Variants in CNTN3 observed in about 807,000 individuals in gnomAD.
CNTN3 encodes contactin-3.
CNTN3 carries 60 observed loss-of-function variants against 119.1 expected under a neutral mutation model. That is an observed-to-expected ratio of 0.50 (90% CI 0.41 to 0.62). The LOEUF is 0.62. Ranked by LOEUF, CNTN3 falls within the 20% of genes least tolerant of loss-of-function variation. The pLI, the probability that CNTN3 is intolerant of heterozygous loss-of-function variation, is 0.00. For missense variants in CNTN3, 1,101 were observed against 1,242.4 expected, an observed-to-expected ratio of 0.89 and a Z score of 1.71; for synonymous variants, 450 against 438.7, an observed-to-expected ratio of 1.03 and a Z score of -0.32.
At position 74,449,497 on chromosome 3, in the gene CNTN3, T is replaced by C. The variant is rs139432937; in HGVS notation, c.359-24557A>G. On this transcript the variant is annotated intron_variant, in intron 4 of 22. Coordinates refer to ENST00000263665, the MANE Select transcript of CNTN3 (RefSeq NM_020872.3). ...GGGAAACATGTTTCAAGTGCAAATT[T>C]CCAGGCCCCAGTCCTAAAAATTCTG... Among the ~76,000 whole-genome samples, 1,048 of 152,180 alleles carry C rather than the reference T, an allele frequency of 6.9e-3. 17 individuals carry two copies. Among genetic ancestry groups the C allele is most frequent in the African/African-American group, 0.024 (1,003 of 41,544 alleles).
intron 1 of CNTN3, among the ~76,000 whole-genome samples, chr3:74,589,965 G>A (rs989151722): frequency 7.5e-6 from 1 of 132,812 alleles, no homozygotes; most frequent in African/African-American, 2.8e-5. Context: ...TGTGGGGTGG[G>A]GGGGAGGGGG....
chr3:74,558,679 G>C (rs1704106501), intron 1 of CNTN3, among the ~76,000 whole-genome samples: 1 of 151,852 alleles, frequency 6.6e-6, no homozygotes, highest in African/African-American at 2.4e-5. Context: ...CTGTAACATG[G>C]AATTAATAAT....
chr3:74,375,759 A>T (rs1197739776), intron 5 of CNTN3, among the ~76,000 whole-genome samples: 1 of 152,212 alleles, frequency 6.6e-6, no homozygotes. Context: ...TGCCTCCTTG[A>T]AACTCCATAA....
intron 11 of CNTN3, among the ~76,000 whole-genome samples, chr3:74,359,631 A>G (rs1050422245): frequency 3.3e-5 from 5 of 152,152 alleles, no homozygotes; most frequent in African/African-American, 1.2e-4. Flanking sequence ...TTTTACCAGC[A>G]CCATCGCTAT....
chr3:74,376,161 T>C (rs552321263), intron 5 of CNTN3, among the ~76,000 whole-genome samples: 6 of 152,318 alleles, frequency 3.9e-5, no homozygotes, highest in South Asian at 4.1e-4. Flanking sequence ...GACACCTTGA[T>C]GTGAGCCCAT....
chr3:74,445,312 G>T (rs1702031146), intron 4 of CNTN3, among the ~76,000 whole-genome samples: 1 of 151,856 alleles, frequency 6.6e-6, no homozygotes, highest in Admixed American at 6.6e-5. Context: ...GCCCAAACTG[G>T]AGTGCAGTGG....
chr3:74,575,548 C>G (rs531561749), intron 1 of CNTN3, among the ~76,000 whole-genome samples: 5 of 149,964 alleles, frequency 3.3e-5, no homozygotes, highest in African/African-American at 9.8e-5. Flanking sequence ...CCGCACCGAG[C>G]TGATTAGATA....
At chr3:74,311,233 C>A (rs370567147) in intron 13 of CNTN3, among the ~76,000 whole-genome samples, 2 of 152,250 alleles carry the variant, frequency 1.3e-5, no homozygotes, top group East Asian at 3.9e-4. Flanking sequence ...ATTACAATCA[C>A]AGACCTATGT....
chr3:74,302,956 G>C (rs1702489120), intron 13 of CNTN3, 149 bp from the exon 14 acceptor site: 1 of 526,782 alleles, frequency 1.9e-6, no homozygotes, highest in African/African-American at 1.9e-5. Flanking sequence ...TTGCTACAAT[G>C]GAATGTATGG....
intron 19 of CNTN3, among the ~76,000 whole-genome samples, chr3:74,293,089 T>C (rs981964422): frequency 6.6e-6 from 1 of 152,234 alleles, no homozygotes; most frequent in Non-Finnish European, 1.5e-5. Context: ...CAGTGTTTAT[T>C]ATGTTTAACT....
chr3:74,609,368 T>A (rs969338631), intron 1 of CNTN3, among the ~76,000 whole-genome samples: 3 of 152,126 alleles, frequency 2.0e-5, no homozygotes, highest in Admixed American at 6.6e-5. Flanking sequence ...TGCATTTAGG[T>A]GAGAAGTACT....
intron 4 of CNTN3, among the ~76,000 whole-genome samples, chr3:74,470,223 C>T (rs1050329786): frequency 2.0e-5 from 3 of 151,952 alleles, no homozygotes; most frequent in African/African-American, 7.3e-5. Flanking sequence ...GGCATGGTTT[C>T]TTTGGGGTAT....
At chr3:74,559,228 G>A (rs1225654766) in intron 1 of CNTN3, among the ~76,000 whole-genome samples, 2 of 152,084 alleles carry the variant, frequency 1.3e-5, no homozygotes, top group Non-Finnish European at 2.9e-5. Context: ...ACAGCAAAAT[G>A]AGGAAGGCAG....
At chr3:74,362,179 G>C in intron 10 of CNTN3, 139 bp from the exon 11 acceptor site, 1 of 779,170 alleles carries the variant, frequency 1.3e-6, no homozygotes, top group Non-Finnish European at 2.0e-6. Flanking sequence ...CTTATTGTGT[G>C]CCACACACAG....
chr3:74,586,508 T>C (rs866407816), intron 1 of CNTN3, among the ~76,000 whole-genome samples: 1 of 152,150 alleles, frequency 6.6e-6, no homozygotes, highest in Non-Finnish European at 1.5e-5. Flanking sequence ...GATTGCTTTA[T>C]AATTTATAGA....
At position 74,488,752 on chromosome 3, in the gene CNTN3, C is replaced by G. The variant is rs115141391; in HGVS notation, c.183-2121G>C. ...AAGCAACATTTTTAATAAGAAGACC[C>G]AAATGAAATTAAGAGAATAAACTGG... is the stretch of plus-strand genomic sequence containing the variant. On this transcript the variant is annotated intron_variant, in intron 3 of 22. Transcript: ENST00000263665. 4.8e-3 allele frequency among the ~76,000 whole-genome samples: 732 copies of G among 152,230 alleles called. 11 individuals carry two copies. The highest frequency in any genetic ancestry group is 0.017 in the African/African-American group (704 of 41,552).
chr3:74,362,119 G>C (rs1365811281), intron 10 of CNTN3, 79 bp from the exon 11 acceptor site: 5 of 1,496,680 alleles, frequency 3.3e-6, no homozygotes, highest in Non-Finnish European at 4.5e-6. Context: ...CACTTTTACA[G>C]TTTTAAAAGT....
intron 20 of CNTN3, among the ~76,000 whole-genome samples, chr3:74,280,804 G>A (rs1701990244): frequency 4.6e-5 from 7 of 152,196 alleles, no homozygotes. Context: ...CGATGTCCTG[G>A]GGACACAGTG....
chr3:74,439,473 C>T (rs760900665), intron 4 of CNTN3, among the ~76,000 whole-genome samples: 10 of 152,190 alleles, frequency 6.6e-5, no homozygotes, highest in Non-Finnish European at 1.2e-4. Context: ...AGCCACTGCA[C>T]TCCAAAAAAT....
Sources: gnomAD v4.1 joint callset for allele counts (sites outside exome capture counted in the v4.1 genomes callset) on GRCh38, gnomAD v4.1.1 for gene constraint, MANE v1.5 for transcripts, NCBI Gene and HGNC (gene_info 2026-07-23, HGNC 2026-07-21) for gene names.